The following SPDEF variants were observed in gnomAD, a reference collection of about 807,000 sequenced individuals.
The protein encoded by SPDEF is SAM pointed domain containing ETS transcription factor.
Under a neutral mutation model 36.0 loss-of-function variants are expected in SPDEF, and 12 were observed. The observed-to-expected ratio is 0.33, with a 90% confidence interval of 0.21 to 0.54. SPDEF has a LOEUF of 0.54. Among genes scored for constraint, SPDEF ranks in the 20% least tolerant of loss-of-function variants. The probability of loss-of-function intolerance (pLI) is 0.93; values close to 1 mark genes in which losing one functional copy is unlikely to be tolerated. For synonymous variants in SPDEF, 205 were observed against 193.0 expected (o/e 1.06, Z -0.51); for missense variants, 388 against 456.9 (o/e 0.85, Z 1.37).
intron 1 of SPDEF, among the ~76,000 whole-genome samples, chr6:34,553,070 A>ATCC (rs1364109962): frequency 6.6e-6 from 1 of 152,004 alleles, no homozygotes; most frequent in Non-Finnish European, 1.5e-5. Context: ...GGGGGTCTTT[A>ATCC]TCCTGGTGGT....
rs1768088798 is a variant in SPDEF, at chr6:34,552,693, G to T, written c.-30+3236C>A. On this transcript the variant is annotated intron_variant, in intron 1 of 5. Coordinates refer to ENST00000374037, the MANE Select transcript of SPDEF (RefSeq NM_012391.3). The surrounding 1 kb of genome is among the most constrained non-coding windows in gnomAD (Gnocchi z 4.6). ...AGCACACCTCCAGGCTTGGAGAGGGGTGTTAGGACAAAGTGAAGGACTCCA... is the reference window on the plus strand; with the variant it reads ...AGCACACCTCCAGGCTTGGAGAGGGTTGTTAGGACAAAGTGAAGGACTCCA... Among the ~76,000 whole-genome samples, 1 of 152,202 alleles carries T rather than the reference G, an allele frequency of 6.6e-6. No individual in the cohort carries two copies. Among genetic ancestry groups the T allele is most frequent in the Admixed American group, 6.5e-5 (1 of 15,286 alleles).
In SPDEF at chr6:34,539,163, C is replaced by T. The variant is rs1239304373; in HGVS notation, c.829+87G>A. 1 of 1,503,218 alleles carries T rather than the reference C, an allele frequency of 6.7e-7. No individual in the cohort carries two copies. The highest frequency in any genetic ancestry group is 9.1e-7 in the Non-Finnish European group (1 of 1,101,694). 93.1% of individuals were successfully genotyped at this position (1,503,218 alleles called of 1,614,324 possible). A position where few individuals can be genotyped will look rare whatever the true frequency, so the allele number is the denominator to read the frequency against. Reference sequence around the variant, plus strand: ...GGATCAGCTTCACCCCTCTGCCCGCCCCTGCCCCCATGCACCGTGCCTGGC... The same window carrying T: ...GGATCAGCTTCACCCCTCTGCCCGCTCCTGCCCCCATGCACCGTGCCTGGC... On this transcript the variant is annotated intron_variant, in intron 5 of 5. Transcript: ENST00000374037. This position sits in a 1 kb window ranked among gnomAD's most constrained non-coding sequence, Gnocchi z 5.2.
Position 34,541,033 on chromosome 6 carries a change from C to T in SPDEF, c.585G>A (p.Ser195=). The change falls in exon 3 of 6, where the codon TCG becomes TCA. Residue 195 remains serine (S), a synonymous_variant. Transcript: ENST00000374037. ...AMSEEQFRQR[S]PLGGDVLHAH... ...CGTGCAGCACATCCCCACCCAGGGG[C>T]GAGCGCTGGCGGAACTGCTCCTCCG... The T allele has an allele frequency of 1.2e-6, 2 of 1,612,358 alleles. No homozygotes were observed. Among genetic ancestry groups the T allele is most frequent in the East Asian group, 2.2e-5 (1 of 44,882 alleles).
chr6:34,540,923 C>T (rs879760727), intron 3 of SPDEF, 61 bp downstream of exon 3: 37 of 1,526,604 alleles, frequency 2.4e-5, no homozygotes, highest in Non-Finnish European at 3.2e-5. Flanking sequence ...ACCTCCTAGC[C>T]AGCATCCTGT....
intron 3 of SPDEF, 67 bp downstream of exon 3, chr6:34,540,917 C>T (rs1767804153): frequency 6.7e-7 from 1 of 1,503,488 alleles, no homozygotes; most frequent in Non-Finnish European, 9.1e-7. Context: ...AGGGCAACCT[C>T]CTAGCCAGCA....
rs754463563 is a variant in SPDEF at position 34,544,439 on chromosome 6, G to T, written c.17C>A (p.Pro6Gln). Residue 6 changes from proline to glutamine, a missense_variant, in exon 2 of 6, where the codon CCG becomes CAG. Physicochemically the swap from Pro to Gln is moderately conservative, Grantham distance 76. Coordinates refer to ENST00000374037, the MANE Select transcript of SPDEF (RefSeq NM_012391.3). The surrounding 1 kb of genome is among the most constrained non-coding windows in gnomAD (Gnocchi z 4.4). ...GCTGGGGGATACGCTGCTCAGACCCGGGCTGGCGCTGCCCATGCCGCTGCT... is the reference window on the plus strand; with the variant it reads ...GCTGGGGGATACGCTGCTCAGACCCTGGCTGGCGCTGCCCATGCCGCTGCT... MGSAS[P>Q]GLSSVSPSHL... 1 of 1,557,490 alleles carries T rather than the reference G, an allele frequency of 6.4e-7. No individual in the cohort carries two copies. The highest frequency in any genetic ancestry group is 2.3e-5 in the East Asian group (1 of 44,022).
intron 1 of SPDEF, among the ~76,000 whole-genome samples, chr6:34,551,151 TG>T (rs535912280): frequency 1.3e-3 from 193 of 152,264 alleles, no homozygotes; most frequent in African/African-American, 4.3e-3. Context: ...TTTCTGCTGG[TG>T]CTGGCAGACC....
In SPDEF at chr6:34,538,568, C is replaced by T. The variant is rs1767744441; in HGVS notation, c.830-116G>A. On this transcript the variant is annotated intron_variant, in intron 5 of 5. Transcript: ENST00000374037. This position sits in a 1 kb window ranked among gnomAD's most constrained non-coding sequence, Gnocchi z 5.9. ...ACCAAGGGACCCCGTGCAGAGGCCT[C>T]CCCCTGCTCGGGTGGGGCGGGGTGT... is the stretch of plus-strand genomic sequence containing the variant. 1.9e-6 allele frequency: 2 copies of T among 1,054,406 alleles called. No individual in the cohort carries two copies. The highest frequency in any genetic ancestry group is 2.7e-6 in the Non-Finnish European group (2 of 732,140). The allele number at this position is 1,054,406 out of a possible 1,614,324, so 65.3% of individuals were successfully genotyped here. A position where few individuals can be genotyped will look rare whatever the true frequency, so the allele number is the denominator to read the frequency against.
intron 1 of SPDEF, among the ~76,000 whole-genome samples, chr6:34,553,419 G>A (rs922528617): frequency 2.6e-5 from 4 of 152,076 alleles, no homozygotes; most frequent in Admixed American, 2.6e-4. Context: ...GGGCATGAAC[G>A]GGGTGGGGGT....
rs750372988 is a variant in SPDEF, at chr6:34,539,380, C to T, written c.699G>A (p.Glu233=). 1 of 1,613,764 alleles carries T rather than the reference C, an allele frequency of 6.2e-7. No individual in the cohort carries two copies. The highest frequency in any genetic ancestry group is 1.1e-5 in the South Asian group (1 of 91,088). ...AIHYCASTSE[E]SWTDSEVDSS... ...AGTCCACCTCGCTGTCGGTCCAGCT[C>T]TCCTCACTGGTCGAGGCTGGGTGGC... Residue 233 remains glutamate (E), a synonymous_variant, in exon 5 of 6, where the codon GAG becomes GAA. Coordinates refer to ENST00000374037, the MANE Select transcript of SPDEF (RefSeq NM_012391.3). The surrounding 1 kb of genome is among the most constrained non-coding windows in gnomAD (Gnocchi z 5.2).
In SPDEF at chr6:34,544,825, G is replaced by GA. The variant is rs1359936402; in HGVS notation, c.-29-342dup. On this transcript the variant is annotated intron_variant, in intron 1 of 5. Coordinates refer to ENST00000374037, the MANE Select transcript of SPDEF (RefSeq NM_012391.3). This position sits in a 1 kb window ranked among gnomAD's most constrained non-coding sequence, Gnocchi z 4.4. The stretch of plus-strand genomic sequence containing the variant: ...ATTCAGCCCTCACAATGGAAGGCAT[G>GA]ATTGCGCCATTTGGCGGATGAGCAA... Among the ~76,000 whole-genome samples, 3 of 152,234 alleles carry GA rather than the reference G, an allele frequency of 2.0e-5. No homozygotes were observed. The highest frequency in any genetic ancestry group is 4.4e-5 in the Non-Finnish European group (3 of 68,028).
chr6:34,553,335 G>A (rs1009746460), intron 1 of SPDEF, among the ~76,000 whole-genome samples: 92 of 152,196 alleles, frequency 6.0e-4, no homozygotes, highest in African/African-American at 2.1e-3. Flanking sequence ...AGGGCAACTC[G>A]GCTTGTGCAA....
chr6:34,546,180 T>C (rs1767949403), intron 1 of SPDEF, among the ~76,000 whole-genome samples: 1 of 152,138 alleles, frequency 6.6e-6, no homozygotes, highest in Non-Finnish European at 1.5e-5. Flanking sequence ...TCTCAGGCAG[T>C]TCACAGCCAC....
chr6:34,541,161 T>G lies in SPDEF; in HGVS notation c.457A>C (p.Ser153Arg), dbSNP rs781665049. ...CACAGGAGCCACTTCTGCACATTGC[T>G]GGGGCTCCAGTCCATGGGATCTGGG... is the stretch of plus-strand genomic sequence containing the variant. ...ITADPMDWSP[S>R]NVQKWLLWTE... The change falls in exon 3 of 6, where the codon AGC becomes CGC. Residue 153 changes from serine to arginine, a missense_variant. This residue lies in a region of SPDEF where 308 missense variants were observed against 326.1 expected (regional missense o/e 0.94). Coordinates refer to ENST00000374037, the MANE Select transcript of SPDEF (RefSeq NM_012391.3). The G allele has an allele frequency of 9.3e-5, 150 of 1,605,190 alleles. No homozygotes were observed. Among genetic ancestry groups the G allele is most frequent in the Non-Finnish European group, 1.2e-4 (142 of 1,175,896 alleles).
chr6:34,539,228 G>A lies in SPDEF; in HGVS notation c.829+22C>T, dbSNP rs759607234. The A allele has an allele frequency of 8.0e-5, 129 of 1,612,450 alleles. 1 individual carries two copies. The highest frequency in any genetic ancestry group is 5.6e-4 in the South Asian group (51 of 90,944). ...CCTCCATGCTCACTGGCCCTGCAGC[G>A]CCCCTTGGGCACCCTGCTCACCCTT... On this transcript the variant is annotated intron_variant, in intron 5 of 5. Coordinates refer to ENST00000374037, the MANE Select transcript of SPDEF (RefSeq NM_012391.3). This position sits in a 1 kb window ranked among gnomAD's most constrained non-coding sequence, Gnocchi z 5.2.
intron 1 of SPDEF, among the ~76,000 whole-genome samples, chr6:34,545,907 C>T (rs1247202275): frequency 2.0e-5 from 3 of 151,414 alleles, no homozygotes; most frequent in South Asian, 2.1e-4. Flanking sequence ...AGCAAAACTC[C>T]GTCTCGAAAA....
chr6:34,547,158 C>G (rs1364463280), intron 1 of SPDEF, among the ~76,000 whole-genome samples: 1 of 152,158 alleles, frequency 6.6e-6, no homozygotes, highest in Non-Finnish European at 1.5e-5. Context: ...AACTCGCTTC[C>G]CTTGTGGCCC....
At chr6:34,540,916 T>C in intron 3 of SPDEF, 68 bp downstream of exon 3, 1 of 1,495,386 alleles carries the variant, frequency 6.7e-7, no homozygotes, top group Non-Finnish European at 9.1e-7. Flanking sequence ...GAGGGCAACC[T>C]CCTAGCCAGC....
intron 1 of SPDEF, among the ~76,000 whole-genome samples, chr6:34,550,447 A>G (rs1561981231): frequency 6.6e-6 from 1 of 151,990 alleles, no homozygotes; most frequent in East Asian, 1.9e-4. Flanking sequence ...CAAGCACCCC[A>G]TTGTGGCCAT....
Sources: gnomAD v4.1 joint callset for allele counts (sites outside exome capture counted in the v4.1 genomes callset) on GRCh38, gnomAD v4.1.1 for gene constraint, gnomAD v4.1.1 regional missense constraint, Gnocchi (gnomAD v3.1) non-coding constraint, MANE v1.5 for transcripts, NCBI Gene and HGNC (gene_info 2026-07-23, HGNC 2026-07-21) for gene names.